TSNARE1: variants seen among roughly 807,000 people sequenced by gnomAD.
The protein encoded by TSNARE1 is t-SNARE domain-containing protein 1.
In TSNARE1, 49 loss-of-function variants were observed where a neutral mutation model predicts 62.0. The ratio of observed to expected loss-of-function variants is 0.79; its 90% CI spans 0.63 to 1.00. TSNARE1 has a LOEUF of 1.00. TSNARE1 is among the 50% of genes least tolerant of loss of function. The pLI, the probability that TSNARE1 is intolerant of heterozygous loss-of-function variation, is 0.00. For synonymous variants in TSNARE1, 328 were observed against 294.4 expected, an observed-to-expected ratio of 1.11 and a Z score of -1.17; for missense variants, 755 against 700.1, an observed-to-expected ratio of 1.08 and a Z score of -0.88.
At chr8:142,356,059 A>C (rs900638459) in intron 1 of TSNARE1, among the ~76,000 whole-genome samples, 3 of 152,210 alleles carry the variant, frequency 2.0e-5, no homozygotes, top group Non-Finnish European at 4.4e-5. Context: ...TAAATAACAA[A>C]GCTCTTACTG....
At chr8:142,371,748 T>C (rs1037005954) in intron 1 of TSNARE1, among the ~76,000 whole-genome samples, 1 of 152,314 alleles carries the variant, frequency 6.6e-6, no homozygotes, top group African/African-American at 2.4e-5. Flanking sequence ...TTACCATACG[T>C]GAGCTAAACG....
intron 9 of TSNARE1, among the ~76,000 whole-genome samples, chr8:142,313,912 G>T (rs1172253193): frequency 1.3e-5 from 2 of 152,186 alleles, no homozygotes. Flanking sequence ...CCATGTAGCT[G>T]GGATGACAGG....
intron 12 of TSNARE1, among the ~76,000 whole-genome samples, chr8:142,234,064 A>G (rs1586806032): frequency 6.6e-6 from 1 of 152,338 alleles, no homozygotes; most frequent in South Asian, 2.1e-4. Context: ...GAGAGGAGAA[A>G]ACAAGTGACC....
At chr8:142,386,993 A>G (rs567532562) in intron 1 of TSNARE1, among the ~76,000 whole-genome samples, 1 of 152,226 alleles carries the variant, frequency 6.6e-6, no homozygotes, top group Admixed American at 6.5e-5. Flanking sequence ...TCCGTAACCC[A>G]AAACAAAAAC....
intron 6 of TSNARE1, among the ~76,000 whole-genome samples, chr8:142,330,209 G>A (rs1830814174): frequency 6.6e-6 from 1 of 152,220 alleles, no homozygotes; most frequent in African/African-American, 2.4e-5. Flanking sequence ...CCAGCTGGAG[G>A]GGAAAAGTAT....
chr8:142,344,046 G>C lies in TSNARE1; in HGVS notation c.665C>G (p.Thr222Arg). 1.9e-6 allele frequency: 3 copies of C among 1,591,690 alleles called. No homozygotes were observed. Among genetic ancestry groups the C allele is most frequent in the African/African-American group, 1.3e-5 (1 of 74,558 alleles). ...GSGKPQALAL[T>R]PVEQVVAKTF... ...CTTGGCCACCACCTGCTCCACGGGC[G>C]TGAGAGCCAGGGCCTGGGGCTTGCC... The change falls in exon 4 of 14, where the codon ACG becomes AGG. Residue 222 changes from threonine (T) to arginine (R), a missense_variant. Physicochemically the swap from Thr to Arg is moderately conservative, Grantham distance 71. Coordinates refer to ENST00000524325, the MANE Select transcript of TSNARE1 (RefSeq NM_145003.5).
chr8:142,281,596 G>A (rs1821469337), intron 11 of TSNARE1, among the ~76,000 whole-genome samples: 1 of 151,990 alleles, frequency 6.6e-6, no homozygotes, highest in Admixed American at 6.5e-5. Flanking sequence ...GTCAGAACTG[G>A]ACACAGTCAC....
At chr8:142,236,499 C>A (rs917345473) in intron 12 of TSNARE1, among the ~76,000 whole-genome samples, 3 of 146,080 alleles carry the variant, frequency 2.1e-5, no homozygotes, top group Admixed American at 6.8e-5. Context: ...CATGAGAAAT[C>A]CCCCAAGTTG....
chr8:142,320,521 T>G (rs1170326861), intron 6 of TSNARE1, among the ~76,000 whole-genome samples: 1 of 150,008 alleles, frequency 6.7e-6, no homozygotes, highest in African/African-American at 2.5e-5. Flanking sequence ...ACACCACCCC[T>G]AGGTTCTAGG....
intron 13 of TSNARE1, among the ~76,000 whole-genome samples, chr8:142,218,212 A>G (rs1185620392): frequency 6.7e-6 from 1 of 150,074 alleles, no homozygotes; most frequent in Non-Finnish European, 1.5e-5. Flanking sequence ...GACCAGAGTC[A>G]GGGCTTAACG....
intron 10 of TSNARE1, among the ~76,000 whole-genome samples, chr8:142,298,834 A>T (rs1049374535): frequency 2.6e-5 from 4 of 152,164 alleles, no homozygotes; most frequent in Non-Finnish European, 5.9e-5. Context: ...CTGCCTCTCT[A>T]GCTGTGAAGC....
In TSNARE1 at chr8:142,325,415, G is replaced by T. The variant is rs548817564; in HGVS notation, c.893+5486C>A. Among the ~76,000 whole-genome samples the T allele has an allele frequency of 3.3e-5, 5 of 152,342 alleles. No homozygotes were observed. In the East Asian group the frequency reaches 9.6e-4, roughly 29 times the overall value. ...CTCTGCATGGACAATCCACCGTCGG[G>T]GGCAAGACTAGGGGTGGGGAGGCCA... On this transcript the variant is annotated intron_variant, in intron 6 of 13. Coordinates refer to ENST00000524325, the MANE Select transcript of TSNARE1 (RefSeq NM_145003.5).
chr8:142,399,196 G>T (rs1332084738), intron 1 of TSNARE1, among the ~76,000 whole-genome samples: 5 of 152,234 alleles, frequency 3.3e-5, no homozygotes, highest in Non-Finnish European at 5.9e-5. Flanking sequence ...CTCAGACCAA[G>T]AAAACTCTTC....
Position 142,344,216 on chromosome 8 carries a change from G to T in TSNARE1, c.495C>A (p.Ser165Arg). 6.2e-7 allele frequency: 1 copy of T among 1,613,540 alleles called. No individual in the cohort carries two copies. Among genetic ancestry groups the T allele is most frequent in the South Asian group, 1.1e-5 (1 of 91,076 alleles). ...AEPTRRYRVW[S>R]RILQAVNALG... ...GCGCATTCACGGCCTGCAGGATGCG[G>T]CTCCACACGCGGTACCTGCGAGTGG... The change falls in exon 4 of 14, where the codon AGC becomes AGA. Residue 165 changes from serine (S) to arginine (R), a missense_variant. Coordinates refer to ENST00000524325, the MANE Select transcript of TSNARE1 (RefSeq NM_145003.5).
At chr8:142,382,610 G>C (rs1387292887) in intron 1 of TSNARE1, among the ~76,000 whole-genome samples, 1 of 152,186 alleles carries the variant, frequency 6.6e-6, no homozygotes, top group African/African-American at 2.4e-5. Flanking sequence ...CTGGCCATGG[G>C]GTGGCCAGGA....
chr8:142,234,605 A>T (rs1817310669), intron 12 of TSNARE1, among the ~76,000 whole-genome samples: 1 of 152,246 alleles, frequency 6.6e-6, no homozygotes, highest in South Asian at 2.1e-4. Context: ...CCCAGAGGGC[A>T]GCCCAGCCCT....
chr8:142,368,431 G>C (rs1835708019), intron 1 of TSNARE1, among the ~76,000 whole-genome samples: 1 of 151,108 alleles, frequency 6.6e-6, no homozygotes. Context: ...GCTGGAGAGA[G>C]TGCTGCCCGA....
chr8:142,336,730 C>T (rs1010389615), intron 4 of TSNARE1, among the ~76,000 whole-genome samples: 9 of 152,290 alleles, frequency 5.9e-5, no homozygotes, highest in African/African-American at 1.4e-4. Context: ...TCCTGCCAAA[C>T]GCACGTGGAA....
At chr8:142,232,893 C>G (rs758186834) in intron 12 of TSNARE1, among the ~76,000 whole-genome samples, 11 of 152,314 alleles carry the variant, frequency 7.2e-5, no homozygotes, top group African/African-American at 2.6e-4. Flanking sequence ...TCAGCTGCTG[C>G]GGCCCAGCAA....
Sources: gnomAD v4.1 joint callset for allele counts (sites outside exome capture counted in the v4.1 genomes callset) on GRCh38, gnomAD v4.1.1 for gene constraint, MANE v1.5 for transcripts, NCBI Gene and HGNC (gene_info 2026-07-23, HGNC 2026-07-21) for gene names.